The following IQCM variants were observed in gnomAD, a reference collection of about 807,000 sequenced individuals.
IQCM encodes the protein IQ domain-containing protein M.
IQCM carries 45 observed loss-of-function variants against 57.6 expected under a neutral mutation model. The ratio of observed to expected loss-of-function variants is 0.78; its 90% CI spans 0.62 to 1.00. The LOEUF (loss-of-function observed/expected upper bound fraction) is 1.00. Ranked by LOEUF, IQCM falls within the 50% of genes least tolerant of loss-of-function variation. IQCM has a pLI of 0.00. For missense variants in IQCM, 468 were observed against 511.6 expected, an observed-to-expected ratio of 0.91 and a Z score of 0.82; for synonymous variants, 148 against 158.9, an observed-to-expected ratio of 0.93 and a Z score of 0.51.
intron 7 of IQCM, among the ~76,000 whole-genome samples, chr4:149,658,542 T>C (rs1320799165): frequency 1.3e-5 from 2 of 152,062 alleles, no homozygotes; most frequent in Non-Finnish European, 2.9e-5. Flanking sequence ...GTGAAGAATA[T>C]TGATATTTTC....
chr4:149,613,285 G>T (rs1457823071), intron 8 of IQCM, among the ~76,000 whole-genome samples: 1 of 151,974 alleles, frequency 6.6e-6, no homozygotes, highest in African/African-American at 2.4e-5. Context: ...TATAATAAAA[G>T]TTAATTTACT....
intron 9 of IQCM, among the ~76,000 whole-genome samples, chr4:149,586,067 G>A (rs993925428): frequency 2.4e-4 from 37 of 151,618 alleles, no homozygotes; most frequent in African/African-American, 7.3e-4. Flanking sequence ...TCATTGAAAT[G>A]GCTGGAGTAA....
At chr4:149,650,431 CA>C (rs1203405207) in intron 7 of IQCM, among the ~76,000 whole-genome samples, 4 of 142,092 alleles carry the variant, frequency 2.8e-5, no homozygotes, top group African/African-American at 1.1e-4. Context: ...TTGACTCTGT[CA>C]CCCAGGCTGG....
intron 12 of IQCM, among the ~76,000 whole-genome samples, chr4:149,489,109 A>C (rs1274827010): frequency 6.6e-6 from 1 of 152,104 alleles, no homozygotes; most frequent in Non-Finnish European, 1.5e-5. Context: ...ATTGAACTAC[A>C]CTTTTGTCAA....
At chr4:149,500,312 C>T (rs1297370612) in intron 12 of IQCM, among the ~76,000 whole-genome samples, 1 of 152,174 alleles carries the variant, frequency 6.6e-6, no homozygotes, top group Admixed American at 6.6e-5. Flanking sequence ...TCAAATGACT[C>T]ACAGGCTTAA....
chr4:149,400,902 T>C (rs889872741), intron 13 of IQCM, among the ~76,000 whole-genome samples: 2 of 151,932 alleles, frequency 1.3e-5, no homozygotes, highest in East Asian at 1.9e-4. Context: ...ACAGACTATG[T>C]CTACAGAAGG....
chr4:149,575,741 G>A (rs1751580220), intron 9 of IQCM, among the ~76,000 whole-genome samples: 1 of 151,942 alleles, frequency 6.6e-6, no homozygotes, highest in Middle Eastern at 3.4e-3. Flanking sequence ...TTCTGGGTAG[G>A]ATACTTTTTA....
intron 6 of IQCM, among the ~76,000 whole-genome samples, chr4:149,684,582 C>A (rs964617207): frequency 2.0e-5 from 3 of 151,358 alleles, no homozygotes; most frequent in African/African-American, 7.3e-5. Flanking sequence ...TTAACAATCT[C>A]ATATCTAATT....
intron 5 of IQCM, among the ~76,000 whole-genome samples, chr4:149,721,903 T>A (rs531996575): frequency 6.6e-6 from 1 of 152,158 alleles, no homozygotes; most frequent in East Asian, 1.9e-4. Context: ...AGTTGACATT[T>A]CCACCAGCAG....
At chr4:149,441,631 G>C (rs759741624) in intron 12 of IQCM, among the ~76,000 whole-genome samples, 1 of 151,896 alleles carries the variant, frequency 6.6e-6, no homozygotes, top group Admixed American at 6.6e-5. Flanking sequence ...CCATTAATAC[G>C]GTTTCTGTCA....
At chr4:149,576,188 T>A (rs969474691) in intron 9 of IQCM, among the ~76,000 whole-genome samples, 1 of 151,770 alleles carries the variant, frequency 6.6e-6, no homozygotes, top group Non-Finnish European at 1.5e-5. Context: ...CCGTGCAGGA[T>A]TTTTTATGGG....
intron 12 of IQCM, among the ~76,000 whole-genome samples, chr4:149,458,849 TAA>T (rs1737974687): frequency 6.6e-6 from 1 of 152,172 alleles, no homozygotes; most frequent in East Asian, 1.9e-4. Flanking sequence ...TTATCCTCTG[TAA>T]AATACTAGGT....
At chr4:149,645,906 C>T (rs1758593448) in intron 7 of IQCM, among the ~76,000 whole-genome samples, 1 of 152,192 alleles carries the variant, frequency 6.6e-6, no homozygotes, top group South Asian at 2.1e-4. Flanking sequence ...CCCACAGTAG[C>T]ATCCCTACTT....
At chr4:149,696,817 A>C (rs1409776772) in intron 5 of IQCM, among the ~76,000 whole-genome samples, 1 of 152,114 alleles carries the variant, frequency 6.6e-6, no homozygotes, top group East Asian at 1.9e-4. Context: ...AAGATAAACT[A>C]CTATGTACAT....
intron 12 of IQCM, among the ~76,000 whole-genome samples, chr4:149,510,616 A>G (rs1579310500): frequency 1.3e-5 from 2 of 152,238 alleles, no homozygotes; most frequent in African/African-American, 4.8e-5. Context: ...AGGATGCCAT[A>G]TTATATTTAT....
intron 12 of IQCM, among the ~76,000 whole-genome samples, chr4:149,469,317 C>T (rs564777426): frequency 6.6e-5 from 10 of 152,242 alleles, no homozygotes; most frequent in South Asian, 2.1e-4. Flanking sequence ...ACAAGAACTA[C>T]GTGACGAATC....
chr4:149,369,501 T>C (rs932580618), intron 13 of IQCM, among the ~76,000 whole-genome samples: 1 of 152,174 alleles, frequency 6.6e-6, no homozygotes, highest in African/African-American at 2.4e-5. Flanking sequence ...CATAACTTGG[T>C]ATATTCCTTA....
At chr4:149,543,762 AAC>A (rs1187740588) in intron 12 of IQCM, among the ~76,000 whole-genome samples, 275 of 152,296 alleles carry the variant, frequency 1.8e-3, no homozygotes, top group Non-Finnish European at 2.2e-3. Context: ...GTGAAAAAAA[AAC>A]AATTGCTATT....
At chr4:149,453,615 G>C (rs899736067) in intron 12 of IQCM, among the ~76,000 whole-genome samples, 1 of 151,744 alleles carries the variant, frequency 6.6e-6, no homozygotes, top group African/African-American at 2.4e-5. Flanking sequence ...CACATGAATA[G>C]ATATTCAACA....
Sources: allele counts gnomAD v4.1 joint callset (sites outside exome capture counted in the v4.1 genomes callset), GRCh38; gene constraint gnomAD v4.1.1; transcripts MANE v1.5; gene names NCBI Gene and HGNC (gene_info 2026-07-23, HGNC 2026-07-21).